The following EGF variants were observed in gnomAD, a reference collection of about 807,000 sequenced individuals.
The protein encoded by EGF is epidermal growth factor, also known as pro-epidermal growth factor.
Under a neutral mutation model 143.8 loss-of-function variants are expected in EGF, and 95 were observed. That is an observed-to-expected ratio of 0.66 (90% CI 0.56 to 0.78). The LOEUF (loss-of-function observed/expected upper bound fraction) is 0.78, where lower values mean the gene tolerates loss of function less well. Among genes scored for constraint, EGF ranks in the 30% least tolerant of loss-of-function variants. EGF has a pLI of 0.00. For synonymous variants in EGF, 510 were observed against 510.5 expected (o/e 1.00, Z 0.01); for missense variants, 1,320 against 1,470.9 (o/e 0.90, Z 1.68).
chr4:109,982,272 G>A (rs2126121031), intron 15 of EGF, among the ~76,000 whole-genome samples: 2 of 151,932 alleles, frequency 1.3e-5, no homozygotes, highest in East Asian at 3.9e-4. Context: ...GCCTCCCAAA[G>A]TGCTGGGATT....
chr4:109,942,480 C>G (rs535696637), intron 2 of EGF, among the ~76,000 whole-genome samples: 1 of 152,318 alleles, frequency 6.6e-6, no homozygotes, highest in South Asian at 2.1e-4. Flanking sequence ...CAGCCCAACT[C>G]TGATTTCAGT....
Position 109,948,009 on chromosome 4 carries a change from A to G in EGF, c.940+2734A>G, listed in dbSNP as rs539675979. On this transcript the variant is annotated intron_variant, in intron 5 of 23. Transcript: ENST00000265171. Reference sequence around the variant, plus strand: ...CAGTTTAGTATTCTTCCTACCATAAATGTATTGTCTCTTCAGAGCCCCTCA... The same window carrying G: ...CAGTTTAGTATTCTTCCTACCATAAGTGTATTGTCTCTTCAGAGCCCCTCA... Among the ~76,000 whole-genome samples, 8 of 152,340 alleles carry G rather than the reference A, an allele frequency of 5.3e-5. No homozygotes were observed. In the South Asian group the frequency reaches 1.5e-3, roughly 28 times the overall value.
At chr4:109,989,255 C>T (rs1025889351) in intron 18 of EGF, among the ~76,000 whole-genome samples, 7 of 152,168 alleles carry the variant, frequency 4.6e-5, no homozygotes, top group South Asian at 4.1e-4. Flanking sequence ...TCGTAATCCC[C>T]GTCCTCTGGC....
At chr4:109,928,010 T>C (rs1224027766) in intron 1 of EGF, among the ~76,000 whole-genome samples, 1 of 152,170 alleles carries the variant, frequency 6.6e-6, no homozygotes, top group Non-Finnish European at 1.5e-5. Context: ...AGGAACATTA[T>C]AACGGTTCAC....
intron 8 of EGF, 106 bp downstream of exon 8, chr4:109,962,091 A>G: frequency 6.5e-7 from 1 of 1,529,136 alleles, no homozygotes; most frequent in African/African-American, 1.4e-5. Flanking sequence ...ATTTTCCAAT[A>G]TTGTATACTG....
In EGF at chr4:109,935,186, T is replaced by C. The variant is rs140424833; in HGVS notation, c.128-5760T>C. ...ATTTTCACGATATTGATTCTTCCTATCCATGAGCATGGAATGTTCTTCCAT... is the reference window on the plus strand; with the variant it reads ...ATTTTCACGATATTGATTCTTCCTACCCATGAGCATGGAATGTTCTTCCAT... On this transcript the variant is annotated intron_variant, in intron 1 of 23. Transcript: ENST00000265171. 0.013 allele frequency among the ~76,000 whole-genome samples: 1,987 copies of C among 152,288 alleles called. 209 individuals are homozygous for C. In the East Asian group the frequency reaches 0.23, roughly 18 times the overall value.
At chr4:109,983,613 T>C in intron 16 of EGF, 72 bp downstream of exon 16, 1 of 1,600,018 alleles carries the variant, frequency 6.2e-7, no homozygotes, top group Non-Finnish European at 8.5e-7. Flanking sequence ...AAATTTTGAA[T>C]TACCTTTCTA....
At chr4:109,978,636 T>C (rs1299690450) in intron 13 of EGF, among the ~76,000 whole-genome samples, 1 of 152,208 alleles carries the variant, frequency 6.6e-6, no homozygotes, top group East Asian at 1.9e-4. Context: ...TTTTGCAAGA[T>C]GAAAAAATTC....
chr4:109,993,514 G>A (rs1751335280), intron 19 of EGF, 145 bp downstream of exon 19: 14 of 1,137,516 alleles, frequency 1.2e-5, no homozygotes, highest in Admixed American at 2.7e-5. Flanking sequence ...GGACGATGCT[G>A]GGCTTGAGAA....
At chr4:110,008,014 A>G (rs749266368) in intron 22 of EGF, 138 bp from the exon 23 acceptor site, 43 of 795,548 alleles carry the variant, frequency 5.4e-5, no homozygotes, top group Non-Finnish European at 8.7e-5. Context: ...TAGAAAGACT[A>G]ACTTCACAGG....
At chr4:109,914,313 T>C (rs1251138787) in intron 1 of EGF, among the ~76,000 whole-genome samples, 1 of 152,220 alleles carries the variant, frequency 6.6e-6, no homozygotes, top group African/African-American at 2.4e-5. Context: ...TTTATCAGCT[T>C]GCCCTTTTGA....
chr4:109,944,787 C>T (rs1455529952), intron 4 of EGF, among the ~76,000 whole-genome samples: 2 of 152,168 alleles, frequency 1.3e-5, no homozygotes, highest in Non-Finnish European at 2.9e-5. Context: ...ACTAGAAACC[C>T]ACTCTTACTC....
At chr4:109,997,403 A>G (rs1751956913) in intron 20 of EGF, among the ~76,000 whole-genome samples, 1 of 152,178 alleles carries the variant, frequency 6.6e-6, no homozygotes, top group Non-Finnish European at 1.5e-5. Flanking sequence ...ACCACAACAC[A>G]TTAAAAAGTC....
At chr4:109,992,613 A>C (rs892978436) in intron 18 of EGF, among the ~76,000 whole-genome samples, 4 of 152,128 alleles carry the variant, frequency 2.6e-5, no homozygotes, top group Non-Finnish European at 5.9e-5. Flanking sequence ...ACCCAAAGGA[A>C]TATAAATCAT....
intron 5 of EGF, among the ~76,000 whole-genome samples, chr4:109,958,892 T>C (rs1028849742): frequency 3.9e-5 from 5 of 129,008 alleles, no homozygotes; most frequent in African/African-American, 1.5e-4. Flanking sequence ...CACTCCAGCC[T>C]GGGTGACAGG....
Position 110,008,203 on chromosome 4 carries a change from G to T in EGF, c.3343G>T (p.Ala1115Ser), listed in dbSNP as rs749543304. 2.5e-6 allele frequency: 4 copies of T among 1,614,056 alleles called. No homozygotes were observed. In the Admixed American group the frequency reaches 6.7e-5, roughly 27 times the overall value. Residue 1115 changes from alanine (A) to serine (S), a missense_variant, in exon 23 of 24, where the codon GCT (alanine) becomes TCT (serine). By Grantham distance (99) the Ala-to-Ser change is moderately conservative. Around this residue, in one of 5 missense-constraint regions of EGF, gnomAD observed 1,186 missense variants for 1,313.7 expected, o/e 0.90. Coordinates refer to ENST00000265171, the MANE Select transcript of EGF (RefSeq NM_001963.6). Reference protein sequence around the residue: ...QDLKNGGQPVAGEDGQAADGS... With the variant: ...QDLKNGGQPVSGEDGQAADGS... ...CCTCAAGAATGGGGGTCAACCAGTG[G>T]CTGGTGAGGATGGCCAGGCAGCAGA...
chr4:109,974,942 C>T, intron 12 of EGF, 135 bp downstream of exon 12: 1 of 624,572 alleles, frequency 1.6e-6, no homozygotes, highest in South Asian at 1.9e-5. Flanking sequence ...ATTCCTCATG[C>T]TTTTAATGTC....
rs567186012 is a variant in EGF at position 109,927,781 on chromosome 4, C to T, written c.128-13165C>T. Among the ~76,000 whole-genome samples the T allele has an allele frequency of 5.6e-5, 8 of 143,250 alleles. No individual in the cohort carries two copies. In the South Asian group the frequency reaches 8.9e-4, roughly 16 times the overall value. 94.0% of individuals were successfully genotyped at this position (143,250 alleles called of 152,430 possible). ...TAGATGCAAAACTCAGTAGACAGAT[C>T]AGGATAGTGATTTCTGAATTTTGCC... On this transcript the variant is annotated intron_variant, in intron 1 of 23. Coordinates refer to ENST00000265171, the MANE Select transcript of EGF (RefSeq NM_001963.6).
At chr4:109,932,042 A>T (rs1018011969) in intron 1 of EGF, among the ~76,000 whole-genome samples, 1 of 151,974 alleles carries the variant, frequency 6.6e-6, no homozygotes, top group Non-Finnish European at 1.5e-5. Context: ...TTATTGGTTC[A>T]TGGTGTTATG....
Sources: allele counts gnomAD v4.1 joint callset (sites outside exome capture counted in the v4.1 genomes callset), GRCh38; gene constraint gnomAD v4.1.1; regional missense constraint gnomAD v4.1.1; transcripts MANE v1.5; gene names NCBI Gene and HGNC (gene_info 2026-07-23, HGNC 2026-07-21).